The following OTUD7B variants were observed in gnomAD, a reference collection of about 807,000 sequenced individuals.
OTUD7B encodes the protein OTU domain-containing protein 7B.
In OTUD7B, 34 loss-of-function variants were observed where a neutral mutation model predicts 82.2. The ratio of observed to expected loss-of-function variants is 0.41; its 90% confidence interval spans 0.31 to 0.55. OTUD7B has a LOEUF of 0.55. Among genes scored for constraint, OTUD7B ranks in the 20% least tolerant of loss-of-function variants. OTUD7B has a pLI of 0.20. For synonymous variants in OTUD7B, 398 were observed against 402.7 expected (o/e 0.99, Z 0.14); for missense variants, 944 against 1,062.1 (o/e 0.89, Z 1.55).
intron 3 of OTUD7B, among the ~76,000 whole-genome samples, chr1:149,969,533 G>A (rs1018248919): frequency 6.6e-6 from 1 of 152,050 alleles, no homozygotes; most frequent in Admixed American, 6.6e-5. Flanking sequence ...CCAACACTTT[G>A]GGAGGCCGAG....
chr1:149,940,876 C>A lies in OTUD7B; in HGVS notation c.*2981G>T, dbSNP rs1042696341. ...CATTATTCCTTCACCTCCCCCCATC[C>A]CACCAAGACCCTCCCCGAAAGAATG... On this transcript the variant is annotated 3_prime_UTR_variant, in exon 12 of 12. Transcript: ENST00000581312. 6.6e-6 allele frequency: 1 copy of A among 151,958 alleles called. No homozygotes were observed. The highest frequency in any genetic ancestry group is 1.5e-5 in the Non-Finnish European group (1 of 67,982). 9.4% of individuals were successfully genotyped at this position (151,958 alleles called of 1,614,324 possible).
At chr1:150,050,219 T>C in the OTUD7B span, among the ~76,000 whole-genome samples, 1 of 152,086 alleles carries the variant, frequency 6.6e-6, no homozygotes, top group Non-Finnish European at 1.5e-5. Context: ...CTTTACATGA[T>C]AAATATTACA....
At chr1:149,955,598 T>G (rs1242768561) in intron 7 of OTUD7B, among the ~76,000 whole-genome samples, 1 of 152,110 alleles carries the variant, frequency 6.6e-6, no homozygotes, top group African/African-American at 2.4e-5. Flanking sequence ...GGATATCCTT[T>G]TTAACTTTCT....
chr1:150,025,778 T>C, the OTUD7B span, among the ~76,000 whole-genome samples: 1 of 152,172 alleles, frequency 6.6e-6, no homozygotes, highest in Non-Finnish European at 1.5e-5. Context: ...GATAGTGAAA[T>C]ATTTTGTTTG....
At chr1:150,012,776 A>G (rs1482732270), upstream of OTUD7B, among the ~76,000 whole-genome samples, 1 of 152,106 alleles carries the variant, frequency 6.6e-6, no homozygotes, top group African/African-American at 2.4e-5. Context: ...CTTTGTGCCT[A>G]TTTCTTGCTC....
chr1:149,983,525 GAATTAAGATT>G (rs587676830), intron 1 of OTUD7B, among the ~76,000 whole-genome samples: 111 of 152,182 alleles, frequency 7.3e-4, no homozygotes, highest in African/African-American at 2.6e-3. Flanking sequence ...TTTCATCTAT[GAATTAAGATT>G]AATTAAGATT....
chr1:150,057,749 A>G, the OTUD7B span, among the ~76,000 whole-genome samples: 1 of 152,240 alleles, frequency 6.6e-6, no homozygotes, highest in African/African-American at 2.4e-5. Context: ...AACATTATAT[A>G]CAGTGAAACA....
chr1:150,012,923 C>G (rs1178992250), upstream of OTUD7B, among the ~76,000 whole-genome samples: 1 of 152,236 alleles, frequency 6.6e-6, no homozygotes, highest in African/African-American at 2.4e-5. Context: ...CCAGCTCAAC[C>G]AGTCCCTAAT....
chr1:149,950,259 G>A, intron 7 of OTUD7B, 38 bp from the exon 8 acceptor site: 1 of 1,607,812 alleles, frequency 6.2e-7, no homozygotes, highest in Non-Finnish European at 8.5e-7. Flanking sequence ...AAAGGGTGCA[G>A]TAAAAATGAG....
At position 149,944,806 on chromosome 1, in the gene OTUD7B, T is replaced by C. The variant is rs1553771664; in HGVS notation, c.1583A>G (p.Lys528Arg). 1 of 1,614,080 alleles carries C rather than the reference T, an allele frequency of 6.2e-7. No homozygotes were observed. The highest frequency in any genetic ancestry group is 8.5e-7 in the Non-Finnish European group (1 of 1,179,978). The change falls in exon 12 of 12, where the codon AAG becomes AGG. Residue 528 changes from lysine (K) to arginine (R), a missense_variant. Lys to Arg is a conservative substitution (Grantham distance 26). Transcript: ENST00000581312. ...KKNMGGLMHSKGSKPGGVGTG... is the reference protein window; with the variant it reads ...KKNMGGLMHSRGSKPGGVGTG... Reference sequence around the variant, plus strand: ...CCCCACCCCTCCAGGCTTTGAACCCTTGCTGTGCATCAGGCCCCCCATGTT... The same window carrying C: ...CCCCACCCCTCCAGGCTTTGAACCCCTGCTGTGCATCAGGCCCCCCATGTT...
chr1:150,024,083 AG>A, the OTUD7B span, among the ~76,000 whole-genome samples: 1 of 152,210 alleles, frequency 6.6e-6, no homozygotes, highest in Non-Finnish European at 1.5e-5. Flanking sequence ...TTCTCAATAG[AG>A]TGCCACTATT....
At chr1:149,947,977 G>T (rs587755563) in intron 10 of OTUD7B, among the ~76,000 whole-genome samples, 1 of 151,972 alleles carries the variant, frequency 6.6e-6, no homozygotes, top group Non-Finnish European at 1.5e-5. Flanking sequence ...TTTTTATCAC[G>T]TATTTATTTA....
chr1:150,007,042 C>T (rs782615395), intron 1 of OTUD7B, among the ~76,000 whole-genome samples: 4 of 152,166 alleles, frequency 2.6e-5, no homozygotes, highest in Non-Finnish European at 5.9e-5. Context: ...GTCCCCTCCA[C>T]CCTCTTGCCT....
chr1:150,065,526 T>C, the OTUD7B span, among the ~76,000 whole-genome samples: 2 of 152,256 alleles, frequency 1.3e-5, no homozygotes, highest in Non-Finnish European at 2.9e-5. Flanking sequence ...TTAATGTCTT[T>C]ACTATTGAAA....
chr1:149,960,389 C>CCTTTTTTT (rs1571626621), intron 6 of OTUD7B, among the ~76,000 whole-genome samples: 1 of 4,126 alleles, frequency 2.4e-4, no homozygotes, highest in African/African-American at 4.5e-4. Context: ...CTTTTCTTTC[C>CCTTTTTTT]TTTTTTTCTT....
At chr1:149,988,347 G>GA (rs1218087587) in intron 1 of OTUD7B, among the ~76,000 whole-genome samples, 4 of 152,120 alleles carry the variant, frequency 2.6e-5, no homozygotes, top group African/African-American at 7.2e-5. Flanking sequence ...GTGTGTGTCA[G>GA]AAAAAAATTT....
chr1:150,054,121 G>A, the OTUD7B span: 46 of 371,652 alleles, frequency 1.2e-4, no homozygotes, highest in African/African-American at 7.5e-4. Context: ...AAAAGGAGAA[G>A]TTTCCTGCAA....
intron 1 of OTUD7B, among the ~76,000 whole-genome samples, chr1:149,988,578 C>CAA (rs1651351938): frequency 6.6e-6 from 1 of 152,056 alleles, no homozygotes; most frequent in South Asian, 2.1e-4. Context: ...GGAAGACTTG[C>CAA]AAAAGGGAAG....
intron 1 of OTUD7B, among the ~76,000 whole-genome samples, chr1:149,989,973 C>G (rs1397932867): frequency 1.3e-5 from 2 of 152,114 alleles, no homozygotes; most frequent in Admixed American, 6.5e-5. Flanking sequence ...TATTTACTGT[C>G]TTGTGATACT....
Sources: gnomAD v4.1 joint callset for allele counts (sites outside exome capture counted in the v4.1 genomes callset) on GRCh38, gnomAD v4.1.1 for gene constraint, MANE v1.5 for transcripts, NCBI Gene and HGNC (gene_info 2026-07-23, HGNC 2026-07-21) for gene names.